Variants in CELSR1 observed in about 807,000 individuals in gnomAD.
CELSR1 encodes the protein cadherin EGF LAG seven-pass G-type receptor 1.
In CELSR1, 110 loss-of-function variants were observed where a neutral mutation model predicts 249.1. The ratio of observed to expected loss-of-function variants is 0.44; its 90% confidence interval spans 0.38 to 0.52. CELSR1 has a LOEUF of 0.52. CELSR1 is among the 20% of genes least tolerant of loss of function. The probability of loss-of-function intolerance (pLI) is 0.00; values close to 1 mark genes in which losing one functional copy is unlikely to be tolerated. For missense variants in CELSR1, 4,109 were observed against 4,296.4 expected, an observed-to-expected ratio of 0.96 and a Z score of 1.22; for synonymous variants, 2,113 against 1,900.0, an observed-to-expected ratio of 1.11 and a Z score of -2.92.
rs1228347793 is a variant in CELSR1, at chr22:46,533,587, C to A, written c.3544+40G>T. ...CGGGTTCCTGAGGCTCTCCAGGAGG[C>A]CCATCAGGAGCTACTCCTCCCACCC... On this transcript the variant is annotated intron_variant, in intron 1 of 34. Coordinates refer to ENST00000674500, the MANE Select transcript of CELSR1 (RefSeq NM_001378328.1). 3.3e-6 allele frequency: 5 copies of A among 1,515,530 alleles called. No homozygotes were observed. The East Asian group carries it at 9.1e-5, about 27-fold the overall frequency. The allele number at this position is 1,515,530 out of a possible 1,614,324, so 93.9% of individuals were successfully genotyped here. A position where few individuals can be genotyped will look rare whatever the true frequency, so the allele number is the denominator to read the frequency against.
In CELSR1 at chr22:46,366,853, C is replaced by T. The variant is rs368446395; in HGVS notation, c.8205+140G>A. 1.2e-4 allele frequency: 154 copies of T among 1,232,924 alleles called. No individual in the cohort carries two copies. In the South Asian group the frequency reaches 2.1e-3, roughly 16 times the overall value. The allele number at this position is 1,232,924 out of a possible 1,614,324, so 76.4% of individuals were successfully genotyped here. ...TCTGGTTCTGACGCGGCAGCCACAC[C>T]GTGCACCGCGGGCGGCTCTGCCATC... On this transcript the variant is annotated intron_variant, in intron 29 of 34. Transcript: ENST00000674500.
chr22:46,472,730 G>C lies in CELSR1; in HGVS notation c.3545-8385C>G, dbSNP rs1015911823. Among the ~76,000 whole-genome samples, 12 of 152,200 alleles carry C rather than the reference G, an allele frequency of 7.9e-5. No homozygotes were observed. Among genetic ancestry groups the C allele is most frequent in the African/African-American group, 2.9e-4 (12 of 41,466 alleles). ...GGGATCTGAAATTCAGGTGTTGGCG[G>C]GGTTTGTTCCTCCTGGAGGCTCAGG... On this transcript the variant is annotated intron_variant, in intron 1 of 34. Transcript: ENST00000674500. The surrounding 1 kb of genome is among the most constrained non-coding windows in gnomAD (Gnocchi z 7.0).
chr22:46,429,239 A>G lies in CELSR1; in HGVS notation c.4611+4154T>C, dbSNP rs1353053381. On this transcript the variant is annotated intron_variant, in intron 5 of 34. Transcript: ENST00000674500. This position sits in a 1 kb window ranked among gnomAD's most constrained non-coding sequence, Gnocchi z 4.1. ...GGAGGAGCAGCAAACACTTAAGCATAATGAGGGCAAAACCGATTCTCAAGT... is the reference window on the plus strand; with the variant it reads ...GGAGGAGCAGCAAACACTTAAGCATGATGAGGGCAAAACCGATTCTCAAGT... Among the ~76,000 whole-genome samples the G allele has an allele frequency of 6.6e-6, 1 of 152,130 alleles. No homozygotes were observed. Among genetic ancestry groups the G allele is most frequent in the African/African-American group, 2.4e-5 (1 of 41,434 alleles).
chr22:46,448,193 C>T lies in CELSR1; in HGVS notation c.4184-8782G>A, dbSNP rs1379951756. On this transcript the variant is annotated intron_variant, in intron 2 of 34. Transcript: ENST00000674500. This position sits in a 1 kb window ranked among gnomAD's most constrained non-coding sequence, Gnocchi z 5.7. The stretch of plus-strand genomic sequence containing the variant: ...GCTGGGTGTGCTCCTGGTCTGTGAA[C>T]AAGGAAGGGGGTGCCCAGAGGGTCT... Among the ~76,000 whole-genome samples the T allele has an allele frequency of 6.6e-6, 1 of 152,142 alleles. No homozygotes were observed. The highest frequency in any genetic ancestry group is 2.4e-5 in the African/African-American group (1 of 41,414).
At chr22:46,480,277 G>A (rs2080253658) in intron 1 of CELSR1, among the ~76,000 whole-genome samples, 1 of 152,164 alleles carries the variant, frequency 6.6e-6, no homozygotes, top group African/African-American at 2.4e-5. Context: ...TGTGGTAGAC[G>A]AAATAATGTC....
At position 46,429,472 on chromosome 22, in the gene CELSR1, G is replaced by A. The variant is rs1039307216; in HGVS notation, c.4611+3921C>T. ...GTTGTTCATCTGTGCTTGGCGGAGC[G>A]CCACACAAATGTACAAGTGCCTGCC... On this transcript the variant is annotated intron_variant, in intron 5 of 34. Transcript: ENST00000674500. The surrounding 1 kb of genome is among the most constrained non-coding windows in gnomAD (Gnocchi z 4.1). Among the ~76,000 whole-genome samples the A allele has an allele frequency of 3.9e-5, 6 of 152,348 alleles. No individual in the cohort carries two copies. Among genetic ancestry groups the A allele is most frequent in the African/African-American group, 9.6e-5 (4 of 41,584 alleles).
Position 46,399,978 on chromosome 22 carries a change from A to C in CELSR1, c.5227-76T>G. The C allele has an allele frequency of 2.1e-6, 3 of 1,454,930 alleles. No homozygotes were observed. The highest frequency in any genetic ancestry group is 2.8e-6 in the Non-Finnish European group (3 of 1,060,360). The allele number at this position is 1,454,930 out of a possible 1,614,324, so 90.1% of individuals were successfully genotyped here. A position where few individuals can be genotyped will look rare whatever the true frequency, so the allele number is the denominator to read the frequency against. On this transcript the variant is annotated intron_variant, in intron 9 of 34. Transcript: ENST00000674500. The surrounding 1 kb of genome is among the most constrained non-coding windows in gnomAD (Gnocchi z 5.0). The stretch of plus-strand genomic sequence containing the variant: ...GAAAACATTTTGCAGTCACTTAAAC[A>C]AGGAAGCTGTGAAAGGAGACTGATT...
intron 27 of CELSR1, 124 bp from the exon 28 acceptor site, chr22:46,367,979 TC>T: frequency 1.5e-6 from 2 of 1,331,314 alleles, no homozygotes; most frequent in Non-Finnish European, 2.0e-6. Context: ...CGTCCACCTG[TC>T]CACCCAGCCA....
intron 5 of CELSR1, among the ~76,000 whole-genome samples, chr22:46,432,264 C>A (rs896931309): frequency 1.3e-5 from 2 of 152,196 alleles, no homozygotes; most frequent in Non-Finnish European, 2.9e-5. Context: ...CCAGTGGAGG[C>A]GACACTACGA....
chr22:46,377,324 G>A, intron 23 of CELSR1, 63 bp from the exon 24 acceptor site: 1 of 1,503,046 alleles, frequency 6.7e-7, no homozygotes, highest in Non-Finnish European at 9.2e-7. Context: ...TCTGGTCATT[G>A]CATAACAGAG....
Position 46,473,744 on chromosome 22 carries a change from G to C in CELSR1, c.3545-9399C>G, listed in dbSNP as rs547426059. On this transcript the variant is annotated intron_variant, in intron 1 of 34. Coordinates refer to ENST00000674500, the MANE Select transcript of CELSR1 (RefSeq NM_001378328.1). This position sits in a 1 kb window ranked among gnomAD's most constrained non-coding sequence, Gnocchi z 6.6. ...CAGCAGGCAGGGAGGGCCCTGCTTG[G>C]TGGCTCCTGGTGGCTCCCATTCAAA... is the stretch of plus-strand genomic sequence containing the variant. Among the ~76,000 whole-genome samples, 50 of 152,146 alleles carry C rather than the reference G, an allele frequency of 3.3e-4. No individual in the cohort carries two copies. Among genetic ancestry groups the C allele is most frequent in the Non-Finnish European group, 6.2e-4 (42 of 68,012 alleles).
chr22:46,521,198 T>C (rs1376760784), intron 1 of CELSR1, among the ~76,000 whole-genome samples: 3 of 152,182 alleles, frequency 2.0e-5, no homozygotes, highest in Non-Finnish European at 2.9e-5. Flanking sequence ...GGTGTACAAA[T>C]ACCTCTTTAA....
chr22:46,463,430 C>T (rs1230962512), intron 2 of CELSR1, among the ~76,000 whole-genome samples: 1 of 151,906 alleles, frequency 6.6e-6, no homozygotes, highest in Non-Finnish European at 1.5e-5. Context: ...GCAGAGGAAT[C>T]GCTTGAACCG....
intron 17 of CELSR1, 146 bp from the exon 18 acceptor site, chr22:46,389,645 G>A (rs867057144): frequency 2.2e-6 from 2 of 897,534 alleles, no homozygotes; most frequent in Middle Eastern, 2.7e-4. Flanking sequence ...GCTGGGCATG[G>A]TGGCTCACGC....
chr22:46,465,377 G>A (rs375584421), intron 1 of CELSR1, among the ~76,000 whole-genome samples: 14 of 152,014 alleles, frequency 9.2e-5, no homozygotes, highest in East Asian at 3.9e-4. Flanking sequence ...TCCATGGAGC[G>A]TGGGGCCCCT....
At chr22:46,375,769 CCTT>C (rs1271539947) in intron 24 of CELSR1, among the ~76,000 whole-genome samples, 1 of 152,130 alleles carries the variant, frequency 6.6e-6, no homozygotes, top group African/African-American at 2.4e-5. Context: ...GCCTCGAACT[CCTT>C]GACCTCAAGT....
chr22:46,378,395 T>C (rs2078941367), intron 23 of CELSR1, among the ~76,000 whole-genome samples, 196 bp downstream of exon 23: 2 of 152,188 alleles, frequency 1.3e-5, no homozygotes, highest in South Asian at 2.1e-4. Flanking sequence ...AATCCTCGAA[T>C]ATGTGTTTTA....
Position 46,445,523 on chromosome 22 carries a change from G to A in CELSR1, c.4184-6112C>T, listed in dbSNP as rs1001752887. Among the ~76,000 whole-genome samples the A allele has an allele frequency of 1.8e-4, 27 of 152,182 alleles. No individual in the cohort carries two copies. The highest frequency in any genetic ancestry group is 6.5e-4 in the African/African-American group (27 of 41,528). The stretch of plus-strand genomic sequence containing the variant: ...AAATGAATAAAAAATAAAGACACCA[G>A]TCATTGGATTTAGGGTCCACCCTAA... On this transcript the variant is annotated intron_variant, in intron 2 of 34. Transcript: ENST00000674500. The surrounding 1 kb of genome is among the most constrained non-coding windows in gnomAD (Gnocchi z 4.4).
At position 46,400,951 on chromosome 22, in the gene CELSR1, C is replaced by CA. The variant is rs35664137; in HGVS notation, c.5227-1050dup. On this transcript the variant is annotated intron_variant, in intron 9 of 34. Transcript: ENST00000674500. ...TGGGTGACAGAGTGAGAACCTGTCT[C>CA]AAAAAAAAAAAAAGTATAGGCAAAG... Among the ~76,000 whole-genome samples the CA allele has an allele frequency of 3.7e-3, 514 of 138,454 alleles. 6 individuals are homozygous for CA. In the East Asian group the frequency reaches 0.041, roughly 11 times the overall value. The allele number at this position is 138,454 out of a possible 152,430, so 90.8% of individuals were successfully genotyped here. A position where few individuals can be genotyped will look rare whatever the true frequency, so the allele number is the denominator to read the frequency against.
Sources: allele counts gnomAD v4.1 joint callset (sites outside exome capture counted in the v4.1 genomes callset), GRCh38; gene constraint gnomAD v4.1.1; non-coding constraint Gnocchi (gnomAD v3.1); transcripts MANE v1.5; gene names NCBI Gene and HGNC (gene_info 2026-07-23, HGNC 2026-07-21).